The following POF1B variants were observed in gnomAD, a reference collection of about 807,000 sequenced individuals.
The protein encoded by POF1B is POF1B actin binding protein, also known as protein POF1B.
In POF1B, 53 loss-of-function variants were observed where a neutral mutation model predicts 55.3. The observed-to-expected ratio is 0.96, with a 90% CI of 0.77 to 1.20. POF1B has a LOEUF of 1.20. POF1B is among the 50% of genes most tolerant of loss of function. The pLI is 0.00. For synonymous variants in POF1B, 188 were observed against 148.3 expected (o/e 1.27, Z -1.95); for missense variants, 478 against 420.5 (o/e 1.14, Z -1.20).
At chrX:85,358,622 C>A (rs1030899756) in intron 4 of POF1B, among the ~76,000 whole-genome samples, 2 of 109,706 alleles carry the variant, frequency 1.8e-5, no homozygotes, top group African/African-American at 6.6e-5. Flanking sequence ...TCAGGAACAA[C>A]AAAAAGATAA....
intron 7 of POF1B, among the ~76,000 whole-genome samples, chrX:85,325,170 T>C (rs994337509): frequency 2.7e-5 from 3 of 111,408 alleles, no homozygotes; most frequent in African/African-American, 9.8e-5. Flanking sequence ...TCTTGGGTGA[T>C]CTTCTTGTGT....
At chrX:85,355,217 C>A (rs1933468662) in intron 4 of POF1B, among the ~76,000 whole-genome samples, 2 of 111,601 alleles carry the variant, frequency 1.8e-5, no homozygotes, top group South Asian at 7.6e-4. Flanking sequence ...AAAGGATTCC[C>A]TACTTAATAA....
intron 15 of POF1B, among the ~76,000 whole-genome samples, chrX:85,283,223 T>C (rs933190893): frequency 1.8e-5 from 2 of 111,111 alleles, no homozygotes; most frequent in Non-Finnish European, 3.8e-5. Flanking sequence ...AGTCATGCAA[T>C]GGACGATACG....
At chrX:85,308,496 A>T (rs1932626932) in intron 9 of POF1B, among the ~76,000 whole-genome samples, 2 of 111,332 alleles carry the variant, frequency 1.8e-5, no homozygotes, top group East Asian at 5.6e-4. Context: ...GCAAAATTTA[A>T]TTTTTACATT....
intron 2 of POF1B, among the ~76,000 whole-genome samples, chrX:85,372,772 A>AAATATGAATAAAATATAT (rs1193270205): frequency 9.9e-6 from 1 of 101,499 alleles, no homozygotes; most frequent in Non-Finnish European, 2.0e-5. Flanking sequence ...TATTATATAT[A>AAATATGAATAAAATATAT]CTATATATAT....
chrX:85,294,875 T>A (rs573848556), intron 15 of POF1B, among the ~76,000 whole-genome samples: 2 of 110,877 alleles, frequency 1.8e-5, no homozygotes, highest in South Asian at 7.6e-4. Context: ...CTTGTAGGAG[T>A]TTTTTAATTA....
At chrX:85,329,630 G>GTT (rs757217839) in intron 7 of POF1B, among the ~76,000 whole-genome samples, 2 of 93,740 alleles carry the variant, frequency 2.1e-5, no homozygotes. Flanking sequence ...GGTGGTGGTC[G>GTT]TTTTTTTTTT....
Position 85,326,582 on chromosome X carries a change from G to A in POF1B, c.854+4367C>T, listed in dbSNP as rs190940948. Among the ~76,000 whole-genome samples the A allele has an allele frequency of 3.2e-4, 36 of 110,840 alleles. No individual in the cohort carries two copies. In the East Asian group the frequency reaches 9.5e-3, roughly 29 times the overall value. ...AGGGGATTGGGGGGCGGGATGCACG[G>A]ACGCTGGCAGCTGTGGCACAGGAAG... is the stretch of plus-strand genomic sequence containing the variant. On this transcript the variant is annotated intron_variant, in intron 7 of 16. Coordinates refer to ENST00000262753, the MANE Select transcript of POF1B (RefSeq NM_024921.4).
chrX:85,372,485 G>T (rs747511552), intron 2 of POF1B, among the ~76,000 whole-genome samples: 4 of 108,654 alleles, frequency 3.7e-5, no homozygotes, highest in South Asian at 3.9e-4. Context: ...TTTCCCTAGA[G>T]AATTCATTAT....
intron 9 of POF1B, among the ~76,000 whole-genome samples, chrX:85,309,225 A>G (rs1932642960): frequency 9.1e-6 from 1 of 109,754 alleles, no homozygotes; most frequent in Non-Finnish European, 1.9e-5. Flanking sequence ...CCAAGTTACC[A>G]ATGGGAAACC....
chrX:85,289,838 C>T (rs763553162), intron 15 of POF1B, among the ~76,000 whole-genome samples: 1 of 111,029 alleles, frequency 9.0e-6, no homozygotes, highest in East Asian at 2.9e-4. Context: ...AGAGTTGCTA[C>T]AGCATATTAT....
intron 7 of POF1B, among the ~76,000 whole-genome samples, chrX:85,330,274 TTA>T (rs758859518): frequency 9.0e-6 from 1 of 110,551 alleles, no homozygotes; most frequent in Admixed American, 9.7e-5. Flanking sequence ...TTATATAAAA[TTA>T]TGTTTATGTT....
intron 3 of POF1B, among the ~76,000 whole-genome samples, chrX:85,366,679 C>T (rs1212859459): frequency 9.0e-6 from 1 of 111,253 alleles, no homozygotes; most frequent in African/African-American, 3.3e-5. Context: ...TCAATTATAA[C>T]CTTTATCCCA....
chrX:85,344,665 C>T (rs919040101), intron 6 of POF1B, among the ~76,000 whole-genome samples: 1 of 111,611 alleles, frequency 9.0e-6, no homozygotes, highest in Non-Finnish European at 1.9e-5. Context: ...ATATCTAATA[C>T]ACTTAAGGTA....
At chrX:85,340,501 T>A in intron 6 of POF1B, among the ~76,000 whole-genome samples, 1 of 111,241 alleles carries the variant, frequency 9.0e-6, no homozygotes, top group South Asian at 3.8e-4. Flanking sequence ...GAATCCCAGG[T>A]TAAACAGTTT....
At chrX:85,289,682 A>G (rs953951112) in intron 15 of POF1B, among the ~76,000 whole-genome samples, 1 of 111,893 alleles carries the variant, frequency 8.9e-6, no homozygotes, top group Non-Finnish European at 1.9e-5. Context: ...ACCAAGATAA[A>G]AAAATCTGAA....
At chrX:85,299,532 C>T (rs1355283236) in intron 15 of POF1B, among the ~76,000 whole-genome samples, 24 of 95,134 alleles carry the variant, frequency 2.5e-4, no homozygotes, top group Admixed American at 4.6e-4. Context: ...TCGTGATCCG[C>T]CCGCCTCGGC....
intron 11 of POF1B, 29 bp from the exon 12 acceptor site, chrX:85,306,362 A>C: frequency 1.7e-6 from 2 of 1,182,710 alleles, no homozygotes; most frequent in Non-Finnish European, 1.1e-6. Context: ...TACATAAGAC[A>C]AATGCATTTT....
At chrX:85,316,463 A>G (rs188613290) in intron 7 of POF1B, among the ~76,000 whole-genome samples, 4 of 111,038 alleles carry the variant, frequency 3.6e-5, no homozygotes, top group African/African-American at 1.3e-4. Flanking sequence ...TCCTTTGGGA[A>G]CGTTGAAAAC....
Sources: gnomAD v4.1 joint callset for allele counts (sites outside exome capture counted in the v4.1 genomes callset) on GRCh38, gnomAD v4.1.1 for gene constraint, MANE v1.5 for transcripts, NCBI Gene and HGNC (gene_info 2026-07-23, HGNC 2026-07-21) for gene names.